TRAPPC6B: variants seen among roughly 807,000 people sequenced by gnomAD.
TRAPPC6B encodes trafficking protein particle complex subunit 6B, also known as TRAPP complex subunit 6B.
A neutral mutation model predicts 24.7 loss-of-function variants in TRAPPC6B; 27 were observed. That is an observed-to-expected ratio of 1.09 (90% CI 0.81 to 1.51). TRAPPC6B has a LOEUF of 1.51. Ranked by LOEUF, TRAPPC6B falls within the 40% of genes most tolerant of loss-of-function variation. The probability of loss-of-function intolerance (pLI) is 0.00; values close to 1 mark genes in which losing one functional copy is unlikely to be tolerated. For synonymous variants in TRAPPC6B, 80 were observed against 66.6 expected (o/e 1.20, Z -0.98); for missense variants, 212 against 190.8 (o/e 1.11, Z -0.66).
chr14:39,170,202 C>A lies in TRAPPC6B; in HGVS notation c.-107G>T. ...CGCCGGCGCCGCGGCTCCGTCAGGC[C>A]GCCATTCTATCCCTGTGGCTAAGAG... On this transcript the variant is annotated 5_prime_UTR_variant, in exon 1 of 6. Coordinates refer to ENST00000330149, the MANE Select transcript of TRAPPC6B (RefSeq NM_001079537.2). The A allele has an allele frequency of 1.9e-6, 2 of 1,044,678 alleles. No homozygotes were observed. The highest frequency in any genetic ancestry group is 2.1e-5 in the Admixed American group (1 of 47,670). 64.7% of individuals were successfully genotyped at this position (1,044,678 alleles called of 1,614,324 possible). A position where few individuals can be genotyped will look rare whatever the true frequency, so the allele number is the denominator to read the frequency against.
Position 39,148,730 on chromosome 14 carries a change from A to C in TRAPPC6B, c.*1620T>G. 2.5e-6 allele frequency: 1 copy of C among 398,408 alleles called. No individual in the cohort carries two copies. Among genetic ancestry groups the C allele is most frequent in the Non-Finnish European group, 4.4e-6 (1 of 225,956 alleles). The allele number at this position is 398,408 out of a possible 1,614,324, so 24.7% of individuals were successfully genotyped here. ...TTTCAAAATTAAAATTTTTTCCCCA[A>C]AACATGTGAGAATTAGGATTGCAGT... On this transcript the variant is annotated 3_prime_UTR_variant, in exon 6 of 6. Transcript: ENST00000330149.
At chr14:39,164,297 C>G (rs114688925) in intron 1 of TRAPPC6B, among the ~76,000 whole-genome samples, 1 of 152,162 alleles carries the variant, frequency 6.6e-6, no homozygotes, top group Non-Finnish European at 1.5e-5. Flanking sequence ...TCGAGACCAG[C>G]TTTACCGACA....
At chr14:39,167,446 A>G (rs1311217348) in intron 1 of TRAPPC6B, among the ~76,000 whole-genome samples, 12 of 152,218 alleles carry the variant, frequency 7.9e-5, no homozygotes, top group Admixed American at 5.9e-4. Context: ...TCAGCGAGAA[A>G]TGGATTTTAT....
At chr14:39,169,112 A>AT (rs1647334308) in intron 1 of TRAPPC6B, among the ~76,000 whole-genome samples, 1 of 152,076 alleles carries the variant, frequency 6.6e-6, no homozygotes, top group Non-Finnish European at 1.5e-5. Context: ...CTCTCCACTC[A>AT]TTTTTTATCA....
At chr14:39,160,432 T>C (rs527459841) in intron 1 of TRAPPC6B, among the ~76,000 whole-genome samples, 5 of 151,854 alleles carry the variant, frequency 3.3e-5, no homozygotes, top group Non-Finnish European at 5.9e-5. Flanking sequence ...AAAAATAAAA[T>C]AGCTGGGCAT....
chr14:39,163,720 T>G (rs2053081084), intron 1 of TRAPPC6B, among the ~76,000 whole-genome samples: 1 of 151,050 alleles, frequency 6.6e-6, no homozygotes, highest in Admixed American at 6.6e-5. Flanking sequence ...GCTTATTATT[T>G]GCTAAACTTT....
chr14:39,167,765 G>T (rs1263799687), intron 1 of TRAPPC6B, among the ~76,000 whole-genome samples: 1 of 151,836 alleles, frequency 6.6e-6, no homozygotes, highest in African/African-American at 2.4e-5. Context: ...TAGCTTAAAT[G>T]ATTCAAAACT....
At position 39,149,268 on chromosome 14, in the gene TRAPPC6B, G is replaced by A. The variant is rs1019250675; in HGVS notation, c.*1082C>T. 3.3e-5 allele frequency: 5 copies of A among 152,216 alleles called. No homozygotes were observed. Among genetic ancestry groups the A allele is most frequent in the Non-Finnish European group, 7.3e-5 (5 of 68,070 alleles). 9.4% of individuals were successfully genotyped at this position (152,216 alleles called of 1,614,324 possible). A position where few individuals can be genotyped will look rare whatever the true frequency, so the allele number is the denominator to read the frequency against. The stretch of plus-strand genomic sequence containing the variant: ...TTCTTAATCTGCCATTTCTATGGCA[G>A]AGTACCCAGTGAAACATCTTGTTTG... On this transcript the variant is annotated 3_prime_UTR_variant, in exon 6 of 6. Transcript: ENST00000330149.
Position 39,151,831 on chromosome 14 carries a change from T to G in TRAPPC6B, c.360A>C (p.Ala120=). Residue 120 remains alanine (A), a synonymous_variant, in exon 5 of 6, where the codon GCA becomes GCC. Coordinates refer to ENST00000330149, the MANE Select transcript of TRAPPC6B (RefSeq NM_001079537.2). ...CACCTCTGATTAAGCCACACGTAAATGCTAAATACTAAAAGGAAAAAAAAT... is the reference window on the plus strand; with the variant it reads ...CACCTCTGATTAAGCCACACGTAAAGGCTAAATACTAAAAGGAAAAAAAAT... ...QYLEHASKYL[A]FTCGLIRGGL... is the part of the protein sequence containing the mutation. 1 of 1,595,738 alleles carries G rather than the reference T, an allele frequency of 6.3e-7. No homozygotes were observed. The highest frequency in any genetic ancestry group is 8.5e-7 in the Non-Finnish European group (1 of 1,174,658).
chr14:39,165,677 GC>G (rs34881733), intron 1 of TRAPPC6B, among the ~76,000 whole-genome samples: 30,195 of 152,130 alleles, frequency 0.2, 3,817 homozygotes, highest in Middle Eastern at 0.35. Flanking sequence ...CATGCCCATA[GC>G]CCTAGCTATT....
At position 39,170,159 on chromosome 14, in the gene TRAPPC6B, C is replaced by G; in HGVS notation, c.-64G>C. 1.3e-6 allele frequency: 2 copies of G among 1,558,366 alleles called. No individual in the cohort carries two copies. The highest frequency in any genetic ancestry group is 1.8e-6 in the Non-Finnish European group (2 of 1,138,394). On this transcript the variant is annotated 5_prime_UTR_variant, in exon 1 of 6. Coordinates refer to ENST00000330149, the MANE Select transcript of TRAPPC6B (RefSeq NM_001079537.2). ...GTTTGAGCTGGTCTGGGGGTTCCAG[C>G]TCGCGCCTCAGCGACTTCGCCGGCG...
At chr14:39,151,480 T>C (rs528328177) in intron 5 of TRAPPC6B, among the ~76,000 whole-genome samples, 23 of 151,624 alleles carry the variant, frequency 1.5e-4, no homozygotes, top group African/African-American at 5.3e-4. Context: ...CAGAAGAATA[T>C]CTTTAAAAAA....
rs2139374632 is a variant in TRAPPC6B at position 39,150,091 on chromosome 14, A to G, written c.*259T>C. 5 of 354,122 alleles carry G rather than the reference A, an allele frequency of 1.4e-5. No homozygotes were observed. The South Asian group carries it at 2.9e-4, about 20-fold the overall frequency. 21.9% of individuals were successfully genotyped at this position (354,122 alleles called of 1,614,324 possible). On this transcript the variant is annotated 3_prime_UTR_variant, in exon 6 of 6. Coordinates refer to ENST00000330149, the MANE Select transcript of TRAPPC6B (RefSeq NM_001079537.2). The stretch of plus-strand genomic sequence containing the variant: ...GCTAAATACATATCACTCTAACCAA[A>G]TAAAAAGGTTTAAAATAAGGGCCCT...
intron 1 of TRAPPC6B, among the ~76,000 whole-genome samples, chr14:39,167,135 T>C (rs1401901295): frequency 6.6e-6 from 1 of 152,246 alleles, no homozygotes; most frequent in Non-Finnish European, 1.5e-5. Flanking sequence ...TACTTGTTCA[T>C]GCACTTTTGA....
intron 3 of TRAPPC6B, among the ~76,000 whole-genome samples, chr14:39,155,677 T>C (rs1450925357): frequency 6.6e-6 from 1 of 152,024 alleles, no homozygotes; most frequent in African/African-American, 2.4e-5. Context: ...GCTGGGACTA[T>C]AAGCGTGCGC....
At chr14:39,153,994 A>G (rs2052946199) in intron 4 of TRAPPC6B, among the ~76,000 whole-genome samples, 1 of 152,062 alleles carries the variant, frequency 6.6e-6, no homozygotes, top group African/African-American at 2.4e-5. Context: ...CGTGAGCCAT[A>G]GCGCCCGGCC....
intron 1 of TRAPPC6B, among the ~76,000 whole-genome samples, chr14:39,160,037 A>G (rs554581907): frequency 4.2e-4 from 64 of 152,276 alleles, no homozygotes; most frequent in Non-Finnish European, 5.6e-4. Context: ...AATGTTGGCC[A>G]TGCTGGTCTC....
intron 4 of TRAPPC6B, among the ~76,000 whole-genome samples, chr14:39,152,087 G>T (rs2052922474): frequency 6.6e-6 from 1 of 152,148 alleles, no homozygotes; most frequent in Admixed American, 6.6e-5. Flanking sequence ...TGTGAATCTA[G>T]ACTCAGTGAC....
intron 1 of TRAPPC6B, among the ~76,000 whole-genome samples, chr14:39,167,713 C>T (rs1156876973): frequency 1.3e-5 from 2 of 151,906 alleles, no homozygotes; most frequent in African/African-American, 4.8e-5. Flanking sequence ...CAATTTTCCC[C>T]CCCATCATAA....
Sources: allele counts gnomAD v4.1 joint callset (sites outside exome capture counted in the v4.1 genomes callset), GRCh38; gene constraint gnomAD v4.1.1; transcripts MANE v1.5; gene names NCBI Gene and HGNC (gene_info 2026-07-23, HGNC 2026-07-21).